LIMCH1: variants seen among roughly 807,000 people sequenced by gnomAD.
LIMCH1 encodes LIM and calponin homology domains-containing protein 1.
Under a neutral mutation model 176.5 loss-of-function variants are expected in LIMCH1, and 113 were observed. The observed-to-expected ratio is 0.64, with a 90% CI of 0.55 to 0.75. The LOEUF (loss-of-function observed/expected upper bound fraction) is 0.75, where lower values mean the gene tolerates loss of function less well. LIMCH1 is among the 30% of genes least tolerant of loss of function. The pLI is 0.00. For missense variants in LIMCH1, 1,674 were observed against 1,814.9 expected (o/e 0.92, Z 1.41); for synonymous variants, 619 against 645.9 (o/e 0.96, Z 0.63).
chr4:41,361,212 CGCTG>C (rs965921914), intron 1 of LIMCH1, among the ~76,000 whole-genome samples: 9 of 152,232 alleles, frequency 5.9e-5, no homozygotes, highest in African/African-American at 2.2e-4. Flanking sequence ...CCTTCCTGCC[CGCTG>C]GCCTCGCAAA....
intron 1 of LIMCH1, among the ~76,000 whole-genome samples, chr4:41,419,677 CTTCCTCCTTCCTTCCT>C (rs1470500058): frequency 0.01 from 753 of 74,278 alleles, 37 homozygotes; most frequent in African/African-American, 0.045. Flanking sequence ...TCCTTCCTTC[CTTCCTCCTTCCTTCCT>C]TCCTTCCTTC....
chr4:41,670,269 C>T (rs1017357177), intron 21 of LIMCH1, among the ~76,000 whole-genome samples: 1 of 152,152 alleles, frequency 6.6e-6, no homozygotes, highest in African/African-American at 2.4e-5. Flanking sequence ...GTACAAAAAA[C>T]TTCTGCCACA....
At chr4:41,372,225 G>A (rs1393214255) in intron 1 of LIMCH1, among the ~76,000 whole-genome samples, 2 of 152,024 alleles carry the variant, frequency 1.3e-5, no homozygotes, top group Non-Finnish European at 2.9e-5. Context: ...GTAATCTTCC[G>A]TTTGTTCTGT....
chr4:41,688,554 C>G (rs1722780901), intron 29 of LIMCH1, among the ~76,000 whole-genome samples: 1 of 152,182 alleles, frequency 6.6e-6, no homozygotes, highest in African/African-American at 2.4e-5. Context: ...TCTGTTTCTC[C>G]TGTCCCTCTG....
intron 1 of LIMCH1, among the ~76,000 whole-genome samples, chr4:41,477,840 A>T (rs2067983495): frequency 6.6e-6 from 1 of 152,216 alleles, no homozygotes; most frequent in South Asian, 2.1e-4. Flanking sequence ...AAAACCAAAC[A>T]GTATATATGT....
chr4:41,602,544 G>T (rs1384773653), intron 2 of LIMCH1, among the ~76,000 whole-genome samples: 1 of 151,970 alleles, frequency 6.6e-6, no homozygotes, highest in African/African-American at 2.4e-5. Flanking sequence ...TAAAAATCTG[G>T]TTTCTTTCTT....
intron 3 of LIMCH1, among the ~76,000 whole-genome samples, chr4:41,604,940 T>G (rs1021142202): frequency 1.3e-5 from 2 of 152,012 alleles, no homozygotes; most frequent in Non-Finnish European, 2.9e-5. Context: ...AAACATTTTC[T>G]GGCCTACCAA....
intron 1 of LIMCH1, among the ~76,000 whole-genome samples, chr4:41,479,344 T>C (rs2068211831): frequency 6.6e-6 from 1 of 152,196 alleles, no homozygotes; most frequent in African/African-American, 2.4e-5. Flanking sequence ...CCTCCAACTC[T>C]TGGCTCAAGC....
chr4:41,696,306 C>A lies in LIMCH1; in HGVS notation c.4379-854C>A, dbSNP rs1035562503. 3.3e-5 allele frequency among the ~76,000 whole-genome samples: 5 copies of A among 152,296 alleles called. No individual in the cohort carries two copies. In the East Asian group the frequency reaches 9.7e-4, roughly 29 times the overall value. ...GGTGTTGGATGACTGTGTCTTTGTA[C>A]ATGGTGTTCTGTTCCATCATTCACT... On this transcript the variant is annotated intron_variant, in intron 31 of 31. Transcript: ENST00000503057.
At chr4:41,375,408 G>A (rs984537593) in intron 1 of LIMCH1, among the ~76,000 whole-genome samples, 1 of 151,924 alleles carries the variant, frequency 6.6e-6, no homozygotes, top group Non-Finnish European at 1.5e-5. Flanking sequence ...TTTTTAAACT[G>A]TTGATTAAAA....
intron 21 of LIMCH1, among the ~76,000 whole-genome samples, chr4:41,670,320 A>G (rs1260183232): frequency 1.3e-5 from 2 of 152,230 alleles, no homozygotes; most frequent in Non-Finnish European, 2.9e-5. Flanking sequence ...ATGTATATGA[A>G]ATAGTAATTA....
rs1731561839 is a variant in LIMCH1, at chr4:41,697,711, C to A, written c.*526C>A. 1 of 152,942 alleles carries A rather than the reference C, an allele frequency of 6.5e-6. No individual in the cohort carries two copies. Among genetic ancestry groups the A allele is most frequent in the Non-Finnish European group, 1.5e-5 (1 of 68,632 alleles). The allele number at this position is 152,942 out of a possible 1,614,324, so 9.5% of individuals were successfully genotyped here. A position where few individuals can be genotyped will look rare whatever the true frequency, so the allele number is the denominator to read the frequency against. On this transcript the variant is annotated 3_prime_UTR_variant, in exon 32 of 32. Coordinates refer to ENST00000503057, the MANE Select transcript of LIMCH1 (RefSeq NM_001330672.2). ...TCTGAGCTATAATTTGTTTTTAATGCAAAGACACTAGTTTGATAATATATA... is the reference window on the plus strand; with the variant it reads ...TCTGAGCTATAATTTGTTTTTAATGAAAAGACACTAGTTTGATAATATATA...
chr4:41,604,027 T>C, intron 3 of LIMCH1, 122 bp downstream of exon 3: 1 of 961,024 alleles, frequency 1.0e-6, no homozygotes, highest in Non-Finnish European at 1.6e-6. Flanking sequence ...GTGTATTTCA[T>C]AGAATAGTTA....
At chr4:41,442,262 T>C (rs1012941054) in intron 1 of LIMCH1, among the ~76,000 whole-genome samples, 1 of 152,124 alleles carries the variant, frequency 6.6e-6, no homozygotes, top group Non-Finnish European at 1.5e-5. Flanking sequence ...ATTATGTTAC[T>C]GCCTTCCAGC....
rs373354745 is a variant in LIMCH1 at position 41,685,847 on chromosome 4, G to A, written c.4088+17G>A. ...AAGGCGGAAGTGAGTAACCAGACAC[G>A]ATGGTTGTGGGATTCCCTTTTTTAA... is the stretch of plus-strand genomic sequence containing the variant. On this transcript the variant is annotated intron_variant, in intron 28 of 31. Coordinates refer to ENST00000503057, the MANE Select transcript of LIMCH1 (RefSeq NM_001330672.2). The A allele has an allele frequency of 8.1e-6, 13 of 1,606,082 alleles. No homozygotes were observed. The highest frequency in any genetic ancestry group is 1.7e-4 in the Middle Eastern group (1 of 6,046).
chr4:41,440,210 T>C (rs1398592186), intron 1 of LIMCH1, among the ~76,000 whole-genome samples: 3 of 152,242 alleles, frequency 2.0e-5, no homozygotes, highest in Non-Finnish European at 4.4e-5. Context: ...TGCTTAGTTA[T>C]ATCTTTTCTA....
chr4:41,493,001 T>G (rs2071374173), intron 1 of LIMCH1, among the ~76,000 whole-genome samples: 1 of 152,170 alleles, frequency 6.6e-6, no homozygotes. Context: ...TATATATGGT[T>G]AATCCAGCTT....
chr4:41,372,671 C>G (rs2054151042), intron 1 of LIMCH1, among the ~76,000 whole-genome samples: 1 of 152,166 alleles, frequency 6.6e-6, no homozygotes, highest in Non-Finnish European at 1.5e-5. Flanking sequence ...CCAGGAGAAG[C>G]TTCTGTTGCC....
At chr4:41,694,378 ATG>A (rs1407688797) in intron 31 of LIMCH1, among the ~76,000 whole-genome samples, 1 of 152,182 alleles carries the variant, frequency 6.6e-6, no homozygotes, top group South Asian at 2.1e-4. Context: ...ATGTTTGTAC[ATG>A]TGTATGCACA....
Sources: gnomAD v4.1 joint callset for allele counts (sites outside exome capture counted in the v4.1 genomes callset) on GRCh38, gnomAD v4.1.1 for gene constraint, MANE v1.5 for transcripts, NCBI Gene and HGNC (gene_info 2026-07-23, HGNC 2026-07-21) for gene names.